INTS11: variants seen among roughly 807,000 people sequenced by gnomAD.
INTS11 encodes the protein integrator complex subunit 11.
INTS11 carries 77 observed loss-of-function variants against 78.6 expected under a neutral mutation model. The ratio of observed to expected loss-of-function variants is 0.98; its 90% CI spans 0.81 to 1.18. The LOEUF is 1.18. Ranked by LOEUF, INTS11 falls within the 50% of genes most tolerant of loss-of-function variation. INTS11 has a pLI of 0.00. For synonymous variants in INTS11, 441 were observed against 326.9 expected (o/e 1.35, Z -3.77); for missense variants, 875 against 825.9 (o/e 1.06, Z -0.73).
At chr1:1,323,888 T>TGGGAGGC in intron 1 of INTS11, among the ~76,000 whole-genome samples, 1 of 12,894 alleles carries the variant, frequency 7.8e-5, no homozygotes, top group Non-Finnish European at 1.4e-4. Context: ...GCTGAGGGGC[T>TGGGAGGC]TGCGGGGTTA....
intron 6 of INTS11, 71 bp from the exon 7 acceptor site, chr1:1,315,033 C>G: frequency 6.4e-7 from 1 of 1,573,226 alleles, no homozygotes; most frequent in South Asian, 1.1e-5. Flanking sequence ...GTGTGACAAG[C>G]TGGACCCCAG....
chr1:1,322,929 G>C (rs965852917), intron 1 of INTS11: 2 of 1,348,806 alleles, frequency 1.5e-6, no homozygotes, highest in African/African-American at 2.9e-5. Context: ...CCCAGGTACA[G>C]ATTGCGGGTA....
chr1:1,318,837 C>A (rs1272468197), intron 4 of INTS11: 1 of 615,848 alleles, frequency 1.6e-6, no homozygotes, highest in Non-Finnish European at 3.0e-6. Context: ...AATGGAATTT[C>A]ACCTGTCACT....
chr1:1,322,028 C>A, intron 1 of INTS11: 1 of 1,242,574 alleles, frequency 8.0e-7, no homozygotes, highest in Non-Finnish European at 1.0e-6. Context: ...AGGCCTGTTC[C>A]TGCCCCCGCT....
rs1418564228 is a variant in INTS11 at position 1,312,344 on chromosome 1, G to C, written c.1489C>G (p.Gln497Glu). 1.3e-6 allele frequency: 2 copies of C among 1,562,166 alleles called. No homozygotes were observed. The highest frequency in any genetic ancestry group is 2.7e-5 in the African/African-American group (2 of 73,772). The change falls in exon 15 of 17, where the codon CAA (glutamine) becomes GAA (glutamate). Residue 497 changes from glutamine (Q) to glutamate (E), a missense_variant. By Grantham distance (29) the Gln-to-Glu change is conservative (BLOSUM62 2). Transcript: ENST00000435064. ...DSNFRLVSSEQALKELGLAEH... is the reference protein window; with the variant it reads ...DSNFRLVSSEEALKELGLAEH... ...GCCAGACCCAGCTCTTTGAGGGCTT[G>C]CTCTGAGGACACCAGCCGGAAGTTC...
In INTS11 at chr1:1,313,543, A is replaced by G; in HGVS notation, c.1007T>C (p.Ile336Thr). 3 of 1,613,032 alleles carry G rather than the reference A, an allele frequency of 1.9e-6. No individual in the cohort carries two copies. The highest frequency in any genetic ancestry group is 2.5e-6 in the Non-Finnish European group (3 of 1,180,018). Residue 336 changes from isoleucine (I) to threonine (T), a missense_variant, in exon 10 of 17, where the codon ATC (isoleucine) becomes ACC (threonine). By Grantham distance (89) the Ile-to-Thr change is moderately conservative (BLOSUM62 -1). Coordinates refer to ENST00000435064, the MANE Select transcript of INTS11 (RefSeq NM_017871.6). ...GMLHAGQSLQIFRKWAGNEKN... is the reference protein window; with the variant it reads ...GMLHAGQSLQTFRKWAGNEKN... The stretch of plus-strand genomic sequence containing the variant: ...TTCGTTTCCGGCCCATTTCCGGAAG[A>G]TCTGCAGGGACTGCCCAGCGTGCAG...
rs1442518576 is a variant in INTS11 at position 1,314,001 on chromosome 1, C to G, written c.768-80G>C. On this transcript the variant is annotated intron_variant, in intron 8 of 16. Coordinates refer to ENST00000435064, the MANE Select transcript of INTS11 (RefSeq NM_017871.6). This position sits in a 1 kb window ranked among gnomAD's most constrained non-coding sequence, Gnocchi z 4.2. Reference sequence around the variant, plus strand: ...CAGGACTCGGCCGGGTCACCCCCAACACCCGTGTCTGCACAGCCCACGCAC... The same window carrying G: ...CAGGACTCGGCCGGGTCACCCCCAAGACCCGTGTCTGCACAGCCCACGCAC... The G allele has an allele frequency of 7.0e-7, 1 of 1,438,786 alleles. No homozygotes were observed. Among genetic ancestry groups the G allele is most frequent in the African/African-American group, 1.4e-5 (1 of 71,736 alleles). The allele number at this position is 1,438,786 out of a possible 1,614,324, so 89.1% of individuals were successfully genotyped here. A position where few individuals can be genotyped will look rare whatever the true frequency, so the allele number is the denominator to read the frequency against.
chr1:1,322,394 G>C (rs1013694147), intron 1 of INTS11, among the ~76,000 whole-genome samples: 7 of 150,282 alleles, frequency 4.7e-5, no homozygotes, highest in African/African-American at 1.7e-4. Flanking sequence ...TCAGCAAGGA[G>C]ACAGACGGCA....
intron 1 of INTS11, among the ~76,000 whole-genome samples, chr1:1,323,760 G>A (rs756872880): frequency 1.4e-5 from 2 of 147,380 alleles, no homozygotes; most frequent in East Asian, 3.9e-4. Context: ...ATTTTTTTCA[G>A]TGTTGCAGAA....
chr1:1,323,163 C>T, intron 1 of INTS11: 1 of 1,549,972 alleles, frequency 6.5e-7, no homozygotes, highest in South Asian at 1.2e-5. Context: ...GGGGGGCACC[C>T]TCCGAGGAAG....
chr1:1,316,521 G>C (rs1261703980), intron 4 of INTS11: 2 of 152,212 alleles, frequency 1.3e-5, no homozygotes, highest in East Asian at 3.8e-4. Context: ...GGGAGGCGGA[G>C]ATTGCAGTGA....
At position 1,315,508 on chromosome 1, in the gene INTS11, C is replaced by T. The variant is rs1295762819; in HGVS notation, c.528+12G>A. On this transcript the variant is annotated intron_variant, in intron 5 of 16. Transcript: ENST00000435064. ...CAGCAGCCCCTCCCAAGCCTCAAGC[C>T]CTTCCACTGACCGTGTAGACCACAG... The T allele has an allele frequency of 6.2e-7, 1 of 1,612,948 alleles. No individual in the cohort carries two copies. Among genetic ancestry groups the T allele is most frequent in the South Asian group, 1.1e-5 (1 of 91,042 alleles).
At position 1,312,719 on chromosome 1, in the gene INTS11, G is replaced by A; in HGVS notation, c.1295-19C>T. The A allele has an allele frequency of 1.9e-6, 3 of 1,589,836 alleles. No individual in the cohort carries two copies. Among genetic ancestry groups the A allele is most frequent in the Middle Eastern group, 1.7e-4 (1 of 5,968 alleles). ...TTGACCCCTGGACCCCGGGGGAAGAGAGAGCCTCAGCCCAGGCTGCCCGTG... is the reference window on the plus strand; with the variant it reads ...TTGACCCCTGGACCCCGGGGGAAGAAAGAGCCTCAGCCCAGGCTGCCCGTG... On this transcript the variant is annotated intron_variant, in intron 12 of 16. Transcript: ENST00000435064.
In INTS11 at chr1:1,320,377, C is replaced by T. The variant is rs1642873381; in HGVS notation, c.200+79G>A. 7 of 1,401,134 alleles carry T rather than the reference C, an allele frequency of 5.0e-6. No individual in the cohort carries two copies. In the African/African-American group the frequency reaches 5.7e-5, roughly 11 times the overall value. 86.8% of individuals were successfully genotyped at this position (1,401,134 alleles called of 1,614,324 possible). A position where few individuals can be genotyped will look rare whatever the true frequency, so the allele number is the denominator to read the frequency against. ...AGGATGGCACAGGCCCCTTGCCAAA[C>T]GCTGCCGAGACCAAGCAAGGTGGCC... is the stretch of plus-strand genomic sequence containing the variant. On this transcript the variant is annotated intron_variant, in intron 3 of 16. Coordinates refer to ENST00000435064, the MANE Select transcript of INTS11 (RefSeq NM_017871.6).
At chr1:1,321,735 A>G (rs1642958688) in intron 1 of INTS11, among the ~76,000 whole-genome samples, 1 of 152,204 alleles carries the variant, frequency 6.6e-6, no homozygotes. Context: ...CACTCCTGAC[A>G]GCCAAGCAGC....
In INTS11 at chr1:1,318,072, G is replaced by A. The variant is rs565958086; in HGVS notation, c.429+1224C>T. On this transcript the variant is annotated intron_variant, in intron 4 of 16. Transcript: ENST00000435064. ...TGTTTAGTAGAGACAGGGTTTCACC[G>A]TGTTAGCCAGGATGGTCTCGATCTC... Among the ~76,000 whole-genome samples the A allele has an allele frequency of 2.2e-4, 34 of 152,070 alleles. No individual in the cohort carries two copies. In the South Asian group the frequency reaches 6.8e-3, roughly 31 times the overall value.
At chr1:1,320,630 G>T in intron 2 of INTS11, 101 bp from the exon 3 acceptor site, 1 of 1,176,130 alleles carries the variant, frequency 8.5e-7, no homozygotes, top group Non-Finnish European at 1.3e-6. Context: ...GGGGTTCTAT[G>T]TGCAGACTCA....
At chr1:1,316,024 A>G (rs1042760741) in intron 4 of INTS11, 4 of 258,570 alleles carry the variant, frequency 1.5e-5, no homozygotes, top group African/African-American at 4.6e-5. Flanking sequence ...GAGAAAAGAC[A>G]AGGTTCAGAA....
Position 1,319,966 on chromosome 1 carries a change from A to G in INTS11, c.201-442T>C, listed in dbSNP as rs534534620. The G allele has an allele frequency of 4.1e-3, 841 of 205,748 alleles. 5 individuals are homozygous for G. Among genetic ancestry groups the G allele is most frequent in the African/African-American group, 0.019 (794 of 42,656 alleles). 12.7% of individuals were successfully genotyped at this position (205,748 alleles called of 1,614,324 possible). A position where few individuals can be genotyped will look rare whatever the true frequency, so the allele number is the denominator to read the frequency against. On this transcript the variant is annotated intron_variant, in intron 3 of 16. Coordinates refer to ENST00000435064, the MANE Select transcript of INTS11 (RefSeq NM_017871.6). Reference sequence around the variant, plus strand: ...ACCACGAGGGGCTCAGGGGCAGCTGAGGACACTGCCTCCGGAGAGGAGAAG... The same window carrying G: ...ACCACGAGGGGCTCAGGGGCAGCTGGGGACACTGCCTCCGGAGAGGAGAAG...
Sources: allele counts gnomAD v4.1 joint callset (sites outside exome capture counted in the v4.1 genomes callset), GRCh38; gene constraint gnomAD v4.1.1; non-coding constraint Gnocchi (gnomAD v3.1); transcripts MANE v1.5; gene names NCBI Gene and HGNC (gene_info 2026-07-23, HGNC 2026-07-21).